EPHB1: variants seen among roughly 807,000 people sequenced by gnomAD.
EPHB1 encodes the protein ephrin type-B receptor 1.
A neutral mutation model predicts 94.4 loss-of-function variants in EPHB1; 30 were observed. The observed-to-expected ratio is 0.32, with a 90% CI of 0.24 to 0.43. The LOEUF is 0.43. EPHB1 is among the 20% of genes least tolerant of loss of function. The pLI is 1.00. For missense variants in EPHB1, 1,055 were observed against 1,308.3 expected (o/e 0.81, Z 2.99); for synonymous variants, 522 against 489.1 (o/e 1.07, Z -0.89).
intron 12 of EPHB1, among the ~76,000 whole-genome samples, chr3:135,234,985 C>T (rs1943614581): frequency 1.3e-5 from 2 of 151,894 alleles, no homozygotes; most frequent in South Asian, 2.1e-4. Context: ...GAAGACATTG[C>T]TCATCAACAC....
rs562817286 is a variant in EPHB1, at chr3:135,056,761, A to G, written c.806-49687A>G. 3.4e-4 allele frequency among the ~76,000 whole-genome samples: 52 copies of G among 152,362 alleles called. No homozygotes were observed. In the South Asian group the frequency reaches 0.011, roughly 32 times the overall value. On this transcript the variant is annotated intron_variant, in intron 3 of 15. Transcript: ENST00000398015. ...GGGTTTCTTGGAGCCCTCGCAGACG[A>G]GACAGGTGGGAGGGAGGAGTGGCTG... is the stretch of plus-strand genomic sequence containing the variant.
At chr3:135,194,495 G>A (rs2107710715) in intron 11 of EPHB1, among the ~76,000 whole-genome samples, 1 of 152,336 alleles carries the variant, frequency 6.6e-6, no homozygotes, top group South Asian at 2.1e-4. Context: ...TGATGGAACA[G>A]CGAAACAGTG....
chr3:135,086,701 C>G (rs572921986), intron 3 of EPHB1, among the ~76,000 whole-genome samples: 61 of 152,146 alleles, frequency 4.0e-4, no homozygotes, highest in African/African-American at 1.4e-3. Context: ...TGCCTGTTCT[C>G]TCCCCACCCC....
intron 4 of EPHB1, among the ~76,000 whole-genome samples, chr3:135,130,058 AT>A (rs1394007095): frequency 1.3e-5 from 2 of 152,216 alleles, no homozygotes; most frequent in African/African-American, 2.4e-5. Flanking sequence ...GAAGAACGCT[AT>A]GACTCCATGT....
chr3:135,172,750 GTC>G (rs1941842108), intron 9 of EPHB1, among the ~76,000 whole-genome samples: 1 of 152,232 alleles, frequency 6.6e-6, no homozygotes, highest in Admixed American at 6.5e-5. Flanking sequence ...GAGGAGGAAA[GTC>G]TCCTTGGTAC....
At chr3:135,028,322 G>A (rs1936273929) in intron 3 of EPHB1, among the ~76,000 whole-genome samples, 1 of 144,078 alleles carries the variant, frequency 6.9e-6, no homozygotes. Flanking sequence ...ATGTTAGGGT[G>A]TCAATTTTTG....
chr3:135,234,188 G>T (rs1943597145), intron 12 of EPHB1, among the ~76,000 whole-genome samples: 1 of 152,124 alleles, frequency 6.6e-6, no homozygotes. Flanking sequence ...TTGCCGCTTA[G>T]AAATTTCTTC....
chr3:134,844,791 G>A lies in EPHB1; in HGVS notation c.58+49102G>A, dbSNP rs114872811. Among the ~76,000 whole-genome samples the A allele has an allele frequency of 9.4e-3, 1,430 of 152,300 alleles. 21 individuals carry two copies. Among genetic ancestry groups the A allele is most frequent in the African/African-American group, 0.032 (1,349 of 41,570 alleles). On this transcript the variant is annotated intron_variant, in intron 1 of 15. Coordinates refer to ENST00000398015, the MANE Select transcript of EPHB1 (RefSeq NM_004441.5). The stretch of plus-strand genomic sequence containing the variant: ...TAATTTCCAGGATGCTGAGATGATT[G>A]TTTTTGTCATTTTTGCTCATTTCTG...
chr3:135,240,511 C>A (rs1338512983), intron 12 of EPHB1, among the ~76,000 whole-genome samples: 1 of 152,180 alleles, frequency 6.6e-6, no homozygotes, highest in Non-Finnish European at 1.5e-5. Context: ...TTGACCTCCA[C>A]TGAAGGGCTG....
chr3:135,212,676 TC>T (rs1943058619), intron 12 of EPHB1, among the ~76,000 whole-genome samples: 1 of 152,236 alleles, frequency 6.6e-6, no homozygotes, highest in Non-Finnish European at 1.5e-5. Context: ...CTGAATTCGT[TC>T]CCTTGGTTCC....
chr3:134,953,353 G>A (rs150054893), intron 3 of EPHB1, among the ~76,000 whole-genome samples: 1 of 152,350 alleles, frequency 6.6e-6, no homozygotes, highest in East Asian at 1.9e-4. Flanking sequence ...CTGCGCCTTT[G>A]TGTCTTTATT....
intron 3 of EPHB1, among the ~76,000 whole-genome samples, chr3:135,059,428 T>G (rs1937433400): frequency 6.6e-6 from 1 of 151,884 alleles, no homozygotes; most frequent in Non-Finnish European, 1.5e-5. Context: ...TGCCATTACT[T>G]GAGGAGTGAA....
chr3:134,798,880 A>G (rs1028833129), intron 1 of EPHB1, among the ~76,000 whole-genome samples: 1 of 152,004 alleles, frequency 6.6e-6, no homozygotes, highest in African/African-American at 2.4e-5. Flanking sequence ...CATTCTCCCA[A>G]CCCCACTCCC....
At chr3:135,130,438 A>C (rs1940377565) in intron 4 of EPHB1, among the ~76,000 whole-genome samples, 1 of 152,256 alleles carries the variant, frequency 6.6e-6, no homozygotes, top group Non-Finnish European at 1.5e-5. Context: ...TTGGCTGAGC[A>C]GGGAGAGAGG....
chr3:135,160,929 A>G (rs1941487873), intron 6 of EPHB1, among the ~76,000 whole-genome samples: 1 of 152,166 alleles, frequency 6.6e-6, no homozygotes, highest in African/African-American at 2.4e-5. Context: ...TGGTCCCCGG[A>G]TTTAGGGGAA....
At chr3:135,024,881 TG>T (rs1936094880) in intron 3 of EPHB1, among the ~76,000 whole-genome samples, 1 of 152,154 alleles carries the variant, frequency 6.6e-6, no homozygotes, top group Admixed American at 6.5e-5. Context: ...GCTGAGGATT[TG>T]GATCTCTTGC....
intron 3 of EPHB1, among the ~76,000 whole-genome samples, chr3:135,022,571 T>G (rs1055878705): frequency 6.6e-6 from 1 of 152,240 alleles, no homozygotes; most frequent in Non-Finnish European, 1.5e-5. Context: ...TCTTAAGTTT[T>G]TATTTGTTCT....
chr3:134,816,692 A>G (rs1407966221), intron 1 of EPHB1, among the ~76,000 whole-genome samples: 2 of 151,736 alleles, frequency 1.3e-5, no homozygotes, highest in Non-Finnish European at 2.9e-5. Context: ...CTGCTTGCCA[A>G]TACCTTGTCT....
At chr3:135,082,279 G>T in intron 3 of EPHB1, among the ~76,000 whole-genome samples, 1 of 152,206 alleles carries the variant, frequency 6.6e-6, no homozygotes, top group Non-Finnish European at 1.5e-5. Flanking sequence ...GGCTGGGCAG[G>T]ACCTTGGACA....
Sources: allele counts gnomAD v4.1 joint callset (sites outside exome capture counted in the v4.1 genomes callset), GRCh38; gene constraint gnomAD v4.1.1; transcripts MANE v1.5; gene names NCBI Gene and HGNC (gene_info 2026-07-23, HGNC 2026-07-21).